The following PBRM1 variants were observed in gnomAD, a reference collection of about 807,000 sequenced individuals.
PBRM1 encodes protein polybromo-1.
Under a neutral mutation model 194.5 loss-of-function variants are expected in PBRM1, and 27 were observed. That is an observed-to-expected ratio of 0.14 (90% confidence interval 0.10 to 0.19). The LOEUF (loss-of-function observed/expected upper bound fraction) is 0.19. Ranked by LOEUF, PBRM1 falls within the 10% of genes least tolerant of loss-of-function variation. PBRM1 has a pLI of 1.00. For missense variants in PBRM1, 1,466 were observed against 2,077.2 expected (o/e 0.71, Z 5.72); for synonymous variants, 655 against 693.2 (o/e 0.94, Z 0.87).
chr3:52,578,500 T>C (rs1333742139), intron 21 of PBRM1, among the ~76,000 whole-genome samples: 1 of 152,186 alleles, frequency 6.6e-6, no homozygotes, highest in African/African-American at 2.4e-5. Context: ...TTAGCCACTA[T>C]CCTCTCCTAC....
intron 2 of PBRM1, 151 bp from the exon 4 acceptor site, chr3:52,668,796 A>AT: frequency 2.3e-6 from 1 of 433,504 alleles, no homozygotes; most frequent in Admixed American, 4.4e-5. Context: ...AAAAAAAAAA[A>AT]AAAGAAAAAA....
At chr3:52,610,244 G>T (rs1309109652) in intron 15 of PBRM1, among the ~76,000 whole-genome samples, 1 of 152,182 alleles carries the variant, frequency 6.6e-6, no homozygotes, top group Non-Finnish European at 1.5e-5. Context: ...TGGTATCCTG[G>T]AGAACTGAGA....
At chr3:52,650,762 C>A (rs975796853) in intron 6 of PBRM1, among the ~76,000 whole-genome samples, 5 of 152,192 alleles carry the variant, frequency 3.3e-5, no homozygotes, top group Admixed American at 2.6e-4. Context: ...AGGAAGCAGG[C>A]AAATCACCTG....
chr3:52,609,323 T>C lies in PBRM1; in HGVS notation c.2557A>G (p.Arg853Gly). Residue 853 changes from arginine to glycine, a missense_variant, in exon 16 of 30, where the codon AGG becomes GGG. Physicochemically the swap from Arg to Gly is moderately radical, Grantham distance 125 (BLOSUM62 -2). Transcript: ENST00000296302. The surrounding 1 kb of genome is among the most constrained non-coding windows in gnomAD (Gnocchi z 4.1). ...GCTTTGAAAACATACCGATTCATCC[T>C]TCTTGCTCGTTCCAATACTTCAAAC... 6.2e-7 allele frequency: 1 copy of C among 1,612,286 alleles called. No individual in the cohort carries two copies. Among genetic ancestry groups the C allele is most frequent in the South Asian group, 1.1e-5 (1 of 90,834 alleles).
At chr3:52,554,771 T>G in exon 27 of PBRM1, 1 of 1,579,506 alleles carries the variant, frequency 6.3e-7, no homozygotes, top group Non-Finnish European at 8.6e-7. Context: ...CGGAAGATGG[T>G]GGGGTGGAGG....
At chr3:52,661,706 G>A (rs1255269311) in intron 4 of PBRM1, among the ~76,000 whole-genome samples, 1 of 152,154 alleles carries the variant, frequency 6.6e-6, no homozygotes, top group Non-Finnish European at 1.5e-5. Context: ...AATTCCAGAG[G>A]CAGAAACACA....
intron 7 of PBRM1, among the ~76,000 whole-genome samples, chr3:52,647,772 G>C (rs564415393): frequency 1.3e-5 from 2 of 152,012 alleles, no homozygotes; most frequent in African/African-American, 4.8e-5. Context: ...GTGTAAAATG[G>C]CAACAGGCAA....
chr3:52,597,506 C>G (rs1273494053), intron 17 of PBRM1, among the ~76,000 whole-genome samples: 1 of 152,160 alleles, frequency 6.6e-6, no homozygotes, highest in African/African-American at 2.4e-5. Context: ...CTATAAGGTT[C>G]TTGAGAATTT....
At chr3:52,556,590 T>C (rs1005153900) in intron 26 of PBRM1, among the ~76,000 whole-genome samples, 1 of 152,256 alleles carries the variant, frequency 6.6e-6, no homozygotes, top group African/African-American at 2.4e-5. Flanking sequence ...TTCATTAAAC[T>C]GTACTTTGGC....
At chr3:52,632,857 C>T (rs998254504) in intron 11 of PBRM1, among the ~76,000 whole-genome samples, 1 of 151,932 alleles carries the variant, frequency 6.6e-6, no homozygotes, top group Non-Finnish European at 1.5e-5. Context: ...CTACGCCTGG[C>T]TAATTTTTGT....
At chr3:52,672,476 G>A (rs1366729628) in intron 2 of PBRM1, among the ~76,000 whole-genome samples, 1 of 147,650 alleles carries the variant, frequency 6.8e-6, no homozygotes, top group Non-Finnish European at 1.5e-5. Context: ...TCAATTTCCA[G>A]AGGTTTTTTT....
intron 2 of PBRM1, among the ~76,000 whole-genome samples, chr3:52,676,114 C>CA (rs1019237005): frequency 1.8e-3 from 9 of 5,106 alleles, no homozygotes; most frequent in African/African-American, 7.0e-3. Flanking sequence ...GACTCCGTCT[C>CA]AAAAAAAAAA....
chr3:52,612,596 A>T (rs2094694228), intron 15 of PBRM1, among the ~76,000 whole-genome samples: 1 of 152,114 alleles, frequency 6.6e-6, no homozygotes, highest in Non-Finnish European at 1.5e-5. Flanking sequence ...ACTGCTCTAG[A>T]TCATGGGTTT....
chr3:52,674,639 A>ATATATATAT (rs1553892017), intron 2 of PBRM1, among the ~76,000 whole-genome samples: 21 of 129,024 alleles, frequency 1.6e-4, no homozygotes, highest in African/African-American at 4.4e-4. Context: ...AAAAAAAAAA[A>ATATATATAT]AAAAATATAT....
rs182426900 is a variant in PBRM1 at position 52,593,429 on chromosome 3, G to T, written c.2780-4174C>A. 1.6e-4 allele frequency among the ~76,000 whole-genome samples: 24 copies of T among 152,252 alleles called. No homozygotes were observed. The East Asian group carries it at 4.2e-3, about 27-fold the overall frequency. On this transcript the variant is annotated intron_variant, in intron 17 of 29. Transcript: ENST00000296302. Reference sequence around the variant, plus strand: ...ATTTTGCATTTTTAGTAGAGAAGAGGTTTTGCCATGTTGGCTAGGGTGGTC... The same window carrying T: ...ATTTTGCATTTTTAGTAGAGAAGAGTTTTTGCCATGTTGGCTAGGGTGGTC...
intron 20 of PBRM1, among the ~76,000 whole-genome samples, chr3:52,580,422 G>C (rs1390051400): frequency 6.6e-6 from 1 of 151,940 alleles, no homozygotes. Flanking sequence ...GCAGTGGCGC[G>C]ATATTGGCTC....
intron 24 of PBRM1, among the ~76,000 whole-genome samples, chr3:52,562,280 C>T (rs767564535): frequency 1.3e-4 from 20 of 149,110 alleles, no homozygotes; most frequent in Non-Finnish European, 2.8e-4. Context: ...TAAGCCAAGA[C>T]GGCGCCACTG....
chr3:52,599,033 AAAAAAAAAAAT>A (rs1416979301), intron 17 of PBRM1, among the ~76,000 whole-genome samples: 1 of 111,056 alleles, frequency 9.0e-6, no homozygotes, highest in Non-Finnish European at 2.1e-5. Context: ...AAAAAAAAAA[AAAAAAAAAAAT>A]TAGGCAGGTG....
chr3:52,612,721 T>C lies in PBRM1; in HGVS notation c.1924+2630A>G, dbSNP rs1026948291. On this transcript the variant is annotated intron_variant, in intron 15 of 29. Transcript: ENST00000296302. ...GAGATCGAGACCAGTCTGGCCAACA[T>C]GGTGAAGCCCTGTCTCTATTAAAAA... Among the ~76,000 whole-genome samples, 6 of 151,996 alleles carry C rather than the reference T, an allele frequency of 3.9e-5. No homozygotes were observed. In the East Asian group the frequency reaches 5.8e-4, roughly 15 times the overall value.
Sources: allele counts gnomAD v4.1 joint callset (sites outside exome capture counted in the v4.1 genomes callset), GRCh38; gene constraint gnomAD v4.1.1; non-coding constraint Gnocchi (gnomAD v3.1); transcripts MANE v1.5; gene names NCBI Gene and HGNC (gene_info 2026-07-23, HGNC 2026-07-21).